The following COX4I1 variants were observed in gnomAD, a reference collection of about 807,000 sequenced individuals.
The protein encoded by COX4I1 is cytochrome c oxidase subunit 4 isoform 1, mitochondrial.
In COX4I1, 18 loss-of-function variants were observed where a neutral mutation model predicts 21.7. The observed-to-expected ratio is 0.83, with a 90% CI of 0.57 to 1.23. The LOEUF is 1.23. COX4I1 is among the 50% of genes most tolerant of loss of function. The pLI is 0.00. For synonymous variants in COX4I1, 100 were observed against 81.5 expected (o/e 1.23, Z -1.23); for missense variants, 238 against 220.7 (o/e 1.08, Z -0.50).
At position 85,806,989 on chromosome 16, in the gene COX4I1, C is replaced by A; in HGVS notation, c.*115C>A. The A allele has an allele frequency of 8.9e-7, 1 of 1,125,368 alleles. No individual in the cohort carries two copies. Among genetic ancestry groups the A allele is most frequent in the Non-Finnish European group, 1.3e-6 (1 of 791,006 alleles). The allele number at this position is 1,125,368 out of a possible 1,614,324, so 69.7% of individuals were successfully genotyped here. On this transcript the variant is annotated 3_prime_UTR_variant, in exon 5 of 5. Coordinates refer to ENST00000253452, the MANE Select transcript of COX4I1 (RefSeq NM_001861.6). Reference sequence around the variant, plus strand: ...AGTTGTACCACTGCTAATAAATGACCAGTTTACCTGAAACCCTTTGTGATC... The same window carrying A: ...AGTTGTACCACTGCTAATAAATGACAAGTTTACCTGAAACCCTTTGTGATC...
intron 3 of COX4I1, 200 bp downstream of exon 3, chr16:85,805,304 T>C (rs1277835383): frequency 1.7e-6 from 1 of 584,348 alleles, no homozygotes; most frequent in East Asian, 2.9e-5. Flanking sequence ...GACAGGATCT[T>C]TTGCTAGGCC....
chr16:85,805,993 C>T, intron 4 of COX4I1, 129 bp downstream of exon 4: 1 of 1,346,508 alleles, frequency 7.4e-7, no homozygotes, highest in Non-Finnish European at 1.0e-6. Context: ...GAGTTCATCT[C>T]AGGATTGTTT....
intron 3 of COX4I1, chr16:85,805,370 A>G (rs1906109249): frequency 1.9e-6 from 1 of 519,082 alleles, no homozygotes; most frequent in Admixed American, 3.5e-5. Flanking sequence ...GGTAAGACAT[A>G]GTTAACTGTA....
chr16:85,804,791 A>G lies in COX4I1; in HGVS notation c.74-146A>G, dbSNP rs532686261. The G allele has an allele frequency of 8.9e-6, 6 of 673,462 alleles. No individual in the cohort carries two copies. In the East Asian group the frequency reaches 1.7e-4, roughly 19 times the overall value. The allele number at this position is 673,462 out of a possible 1,614,324, so 41.7% of individuals were successfully genotyped here. A position where few individuals can be genotyped will look rare whatever the true frequency, so the allele number is the denominator to read the frequency against. ...GTTCCCCCTCCACCACACTCCTGCA[A>G]CTGTTTAAACAGTGGCTGTGACCCC... On this transcript the variant is annotated intron_variant, in intron 2 of 4. Transcript: ENST00000253452.
In COX4I1 at chr16:85,806,903, C is replaced by T; in HGVS notation, c.*29C>T. On this transcript the variant is annotated 3_prime_UTR_variant, in exon 5 of 5. Transcript: ENST00000253452. Reference sequence around the variant, plus strand: ...ATGCTGGCCTGCGCCTGCACCTGCGCCTGGCTCTGTCACCGCCATGCAACT... The same window carrying T: ...ATGCTGGCCTGCGCCTGCACCTGCGTCTGGCTCTGTCACCGCCATGCAACT... The T allele has an allele frequency of 6.3e-7, 1 of 1,598,460 alleles. No homozygotes were observed.
rs1274079695 is a variant in COX4I1, at chr16:85,805,359, G to A, written c.241+255G>A. The A allele has an allele frequency of 5.7e-6, 3 of 528,254 alleles. No homozygotes were observed. In the East Asian group the frequency reaches 9.3e-5, roughly 16 times the overall value. The allele number at this position is 528,254 out of a possible 1,614,324, so 32.7% of individuals were successfully genotyped here. ...GAGGTAGCCTCTCAGCATATCTGCT[G>A]GGTAAGACATAGTTAACTGTAAATT... On this transcript the variant is annotated intron_variant, in intron 3 of 4. Transcript: ENST00000253452.
At chr16:85,801,858 C>A (rs562654800) in intron 2 of COX4I1, among the ~76,000 whole-genome samples, 1 of 151,874 alleles carries the variant, frequency 6.6e-6, no homozygotes, top group Admixed American at 6.6e-5. Context: ...TGTTAGGCAC[C>A]GAGAAGAAAA....
At chr16:85,802,056 G>A (rs1905807302) in intron 2 of COX4I1, among the ~76,000 whole-genome samples, 2 of 152,092 alleles carry the variant, frequency 1.3e-5, no homozygotes, top group East Asian at 3.9e-4. Flanking sequence ...TCTACACCCT[G>A]CCTGGTTAGA....
At chr16:85,806,589 A>G in intron 4 of COX4I1, 149 bp from the exon 5 acceptor site, 1 of 1,129,386 alleles carries the variant, frequency 8.9e-7, no homozygotes, top group Non-Finnish European at 1.3e-6. Flanking sequence ...GTCAGTGGTC[A>G]GAAACCGTGT....
intron 4 of COX4I1, chr16:85,806,241 G>A (rs544309971): frequency 6.7e-6 from 4 of 596,854 alleles, no homozygotes; most frequent in Non-Finnish European, 1.2e-5. Flanking sequence ...CTGTTGTGAG[G>A]ACTGCATCTC....
At chr16:85,800,920 G>A (rs981726157) in intron 1 of COX4I1, among the ~76,000 whole-genome samples, 5 of 152,146 alleles carry the variant, frequency 3.3e-5, no homozygotes, top group Admixed American at 6.5e-5. Flanking sequence ...CACCGCGCCC[G>A]GCCTCTCCTT....
chr16:85,803,947 G>A (rs773703251), intron 2 of COX4I1: 21 of 152,252 alleles, frequency 1.4e-4, no homozygotes, highest in African/African-American at 2.2e-4. Context: ...CCAAACATGT[G>A]ATTTGCACAT....
chr16:85,805,160 G>T (rs966629535), intron 3 of COX4I1, 56 bp downstream of exon 3: 4 of 1,540,008 alleles, frequency 2.6e-6, no homozygotes, highest in Admixed American at 1.9e-5. Flanking sequence ...GCGTGTGTGT[G>T]ACAGAGCCTC....
In COX4I1 at chr16:85,806,929, C is replaced by A; in HGVS notation, c.*55C>A. 2 of 1,563,156 alleles carry A rather than the reference C, an allele frequency of 1.3e-6. No homozygotes were observed. Among genetic ancestry groups the A allele is most frequent in the Non-Finnish European group, 1.7e-6 (2 of 1,150,212 alleles). ...CTGGCTCTGTCACCGCCATGCAACT[C>A]CATGCCTATTTACTGGAAACCTGTT... On this transcript the variant is annotated 3_prime_UTR_variant, in exon 5 of 5. Transcript: ENST00000253452.
intron 2 of COX4I1, 115 bp from the exon 3 acceptor site, chr16:85,804,822 A>G: frequency 2.3e-6 from 2 of 869,654 alleles, no homozygotes; most frequent in South Asian, 1.7e-5. Flanking sequence ...ACCCCCTGAG[A>G]TGATCCAGGG....
At chr16:85,804,778 C>T (rs1205053496) in intron 2 of COX4I1, 159 bp from the exon 3 acceptor site, 5 of 627,264 alleles carry the variant, frequency 8.0e-6, no homozygotes, top group African/African-American at 1.9e-5. Flanking sequence ...TCCCCCTCCA[C>T]CACACTCCTG....
Position 85,806,905 on chromosome 16 carries a change from T to G in COX4I1, c.*31T>G, listed in dbSNP as rs1210482433. ...GCTGGCCTGCGCCTGCACCTGCGCC[T>G]GGCTCTGTCACCGCCATGCAACTCC... On this transcript the variant is annotated 3_prime_UTR_variant, in exon 5 of 5. Transcript: ENST00000253452. 6.3e-7 allele frequency: 1 copy of G among 1,597,496 alleles called. No homozygotes were observed. Among genetic ancestry groups the G allele is most frequent in the Non-Finnish European group, 8.5e-7 (1 of 1,170,558 alleles).
At chr16:85,802,883 C>T (rs116972724) in intron 2 of COX4I1, among the ~76,000 whole-genome samples, 2,719 of 152,316 alleles carry the variant, frequency 0.018, 52 homozygotes, top group South Asian at 0.075. Context: ...GGTTTGCATG[C>T]GCCAAGGTTT....
Position 85,805,514 on chromosome 16 carries a change from G to A in COX4I1, c.242-219G>A, listed in dbSNP as rs535163763. ...TGCAGTTTTAATTTGCACCTGAAGCGAACTGTATGCATTTTCTTCTTTCCT... is the reference window on the plus strand; with the variant it reads ...TGCAGTTTTAATTTGCACCTGAAGCAAACTGTATGCATTTTCTTCTTTCCT... On this transcript the variant is annotated intron_variant, in intron 3 of 4. Transcript: ENST00000253452. The A allele has an allele frequency of 2.1e-5, 13 of 619,212 alleles. 1 individual carries two copies. The highest frequency in any genetic ancestry group is 1.1e-4 in the South Asian group (5 of 45,568). The allele number at this position is 619,212 out of a possible 1,614,324, so 38.4% of individuals were successfully genotyped here.
Sources: gnomAD v4.1 joint callset for allele counts (sites outside exome capture counted in the v4.1 genomes callset) on GRCh38, gnomAD v4.1.1 for gene constraint, MANE v1.5 for transcripts, NCBI Gene and HGNC (gene_info 2026-07-23, HGNC 2026-07-21) for gene names.